The following ZFYVE26 variants were observed in gnomAD, a reference collection of about 807,000 sequenced individuals.
The protein encoded by ZFYVE26 is zinc finger FYVE-type containing 26.
ZFYVE26 carries 181 observed loss-of-function variants against 276.5 expected under a neutral mutation model. The observed-to-expected ratio is 0.65, with a 90% CI of 0.58 to 0.74. The LOEUF is 0.74. Ranked by LOEUF, ZFYVE26 falls within the 30% of genes least tolerant of loss-of-function variation. The pLI is 0.00. For missense variants in ZFYVE26, 2,821 were observed against 3,097.9 expected, an observed-to-expected ratio of 0.91 and a Z score of 2.12; for synonymous variants, 1,129 against 1,203.1, an observed-to-expected ratio of 0.94 and a Z score of 1.27.
Position 67,729,203 on chromosome 14 carries a change from C to T in ZFYVE26, n.3288+8G>A, listed in dbSNP as rs200302290. On this transcript the variant is annotated splice_region_variant and intron_variant and non_coding_transcript_variant, in intron 14 of 14. Transcript: ENST00000394455. The stretch of plus-strand genomic sequence containing the variant: ...CTCTTTGTCCCAGGCACCGGGGTCA[C>T]CACCTACGCAGTGCACCCAGGCGTC... The T allele has an allele frequency of 6.2e-6, 10 of 1,612,638 alleles. No individual in the cohort carries two copies. The highest frequency in any genetic ancestry group is 8.5e-6 in the Non-Finnish European group (10 of 1,180,016).
intron 12 of ZFYVE26, chr14:67,797,304 T>G (rs1374329958): frequency 3.1e-6 from 1 of 319,670 alleles, no homozygotes; most frequent in African/African-American, 2.2e-5. Context: ...TAAATGTCCA[T>G]GAACAGGGTG....
At chr14:67,774,253 C>A (rs796401618) in intron 27 of ZFYVE26, among the ~76,000 whole-genome samples, 69 of 152,302 alleles carry the variant, frequency 4.5e-4, no homozygotes, top group Middle Eastern at 3.4e-3. Flanking sequence ...TGCCTATAAT[C>A]CCAGCATTTT....
intron 12 of ZFYVE26, among the ~76,000 whole-genome samples, chr14:67,794,945 T>C (rs1335221474): frequency 6.6e-6 from 1 of 151,992 alleles, no homozygotes; most frequent in African/African-American, 2.4e-5. Flanking sequence ...CAAGACCCTA[T>C]CTGTATTAAA....
At chr14:67,767,608 T>C in intron 31 of ZFYVE26, 96 bp downstream of exon 31, 1 of 1,542,278 alleles carries the variant, frequency 6.5e-7, no homozygotes, top group Admixed American at 1.7e-5. Context: ...TATAAACAAG[T>C]AAAGGCCAGG....
At position 67,777,578 on chromosome 14, in the gene ZFYVE26, G is replaced by A. The variant is rs752388667; in HGVS notation, c.4955C>T (p.Ala1652Val). The A allele has an allele frequency of 3.2e-5, 51 of 1,613,796 alleles. No individual in the cohort carries two copies. Among genetic ancestry groups the A allele is most frequent in the South Asian group, 1.8e-4 (16 of 91,066 alleles). Reference protein sequence around the residue: ...LTAVRHREIQALYVGSKILLT... With the variant: ...LTAVRHREIQVLYVGSKILLT... Reference sequence around the variant, plus strand: ...CCTTACCTTGGATCCCACATACAGCGCCTGGATTTCACGGTGTCGGACAGC... The same window carrying A: ...CCTTACCTTGGATCCCACATACAGCACCTGGATTTCACGGTGTCGGACAGC... The change falls in exon 25 of 42, where the codon GCG becomes GTG. Residue 1652 changes from alanine to valine, a missense_variant. Ala to Val is a moderately conservative substitution (Grantham distance 64, BLOSUM62 0). Transcript: ENST00000347230.
intron 3 of ZFYVE26, among the ~76,000 whole-genome samples, chr14:67,810,079 T>C (rs2040269419): frequency 6.6e-6 from 1 of 152,194 alleles, no homozygotes; most frequent in Admixed American, 6.5e-5. Context: ...CCACCGTGCC[T>C]GGCACAGATA....
At position 67,729,231 on chromosome 14, in the gene ZFYVE26, C is replaced by T; in HGVS notation, n.3268G>A. On this transcript the variant is annotated non_coding_transcript_exon_variant, in exon 14 of 15. Transcript: ENST00000394455. ...CCTACGCAGTGCACCCAGGCGTCGT[C>T]CGCTCTGAGCTGGTCCGGCACTCCT... 6.2e-7 allele frequency: 1 copy of T among 1,611,476 alleles called. No individual in the cohort carries two copies. Among genetic ancestry groups the T allele is most frequent in the Non-Finnish European group, 8.5e-7 (1 of 1,180,016 alleles).
chr14:67,799,118 G>A, intron 10 of ZFYVE26: 2 of 1,354,898 alleles, frequency 1.5e-6, no homozygotes, highest in Non-Finnish European at 2.1e-6. Context: ...CCTAGACTAG[G>A]AGGCGTACTG....
chr14:67,784,898 G>A (rs892892727), intron 19 of ZFYVE26, among the ~76,000 whole-genome samples, 161 bp downstream of exon 19: 9 of 152,210 alleles, frequency 5.9e-5, no homozygotes, highest in African/African-American at 1.9e-4. Flanking sequence ...GCACAAAGAT[G>A]AGTAAAATAG....
intron 9 of ZFYVE26, among the ~76,000 whole-genome samples, chr14:67,802,707 G>A (rs919588185): frequency 2.0e-5 from 3 of 152,104 alleles, no homozygotes; most frequent in Non-Finnish European, 2.9e-5. Context: ...TTCTTTGGAA[G>A]GCCTGTATAC....
chr14:67,770,975 A>C (rs61987011), intron 28 of ZFYVE26, among the ~76,000 whole-genome samples: 3 of 150,288 alleles, frequency 2.0e-5, no homozygotes, highest in Admixed American at 6.6e-5. Flanking sequence ...TTTTTTTTAA[A>C]TCAACTTTTA....
At chr14:67,772,828 G>C (rs1594901775) in intron 27 of ZFYVE26, among the ~76,000 whole-genome samples, 1 of 152,168 alleles carries the variant, frequency 6.6e-6, no homozygotes, top group South Asian at 2.1e-4. Flanking sequence ...AGACATGGTG[G>C]TGTGTGCATG....
chr14:67,730,277 A>G (rs2038252117), intron 13 of ZFYVE26, among the ~76,000 whole-genome samples: 1 of 152,198 alleles, frequency 6.6e-6, no homozygotes, highest in Non-Finnish European at 1.5e-5. Context: ...ATCTGGCTCT[A>G]GAGCTGTGCC....
downstream of ZFYVE26, among the ~76,000 whole-genome samples, chr14:67,743,102 T>G (rs1307658686): frequency 2.0e-5 from 3 of 151,932 alleles, no homozygotes. Flanking sequence ...CCTTCCAAAG[T>G]GTTGGGTTAT....
intron 13 of ZFYVE26, chr14:67,733,744 A>G (rs1430095773): frequency 1.2e-6 from 2 of 1,608,192 alleles, no homozygotes; most frequent in Admixed American, 1.7e-5. Context: ...TCTGCCCTCC[A>G]GTGACTGCAA....
At chr14:67,799,661 C>A in intron 10 of ZFYVE26, 1 of 1,278,926 alleles carries the variant, frequency 7.8e-7, no homozygotes, top group Non-Finnish European at 1.1e-6. Context: ...CCATGGTAGG[C>A]AAGGTGCTGG....
intron 9 of ZFYVE26, 148 bp from the exon 10 acceptor site, chr14:67,802,430 C>T: frequency 1.3e-6 from 1 of 785,260 alleles, no homozygotes; most frequent in Non-Finnish European, 2.1e-6. Flanking sequence ...ATCTGTGTCA[C>T]TTCTAGGGCT....
At chr14:67,812,179 A>G (rs2040316331) in intron 3 of ZFYVE26, among the ~76,000 whole-genome samples, 1 of 152,152 alleles carries the variant, frequency 6.6e-6, no homozygotes, top group South Asian at 2.1e-4. Flanking sequence ...ATAGTGGTAT[A>G]GTATTTTACA....
intron 13 of ZFYVE26, chr14:67,735,330 G>A: frequency 1.3e-6 from 1 of 786,372 alleles, no homozygotes. Flanking sequence ...GACACCAAAA[G>A]GACCATCTAG....
Sources: gnomAD v4.1 joint callset for allele counts (sites outside exome capture counted in the v4.1 genomes callset) on GRCh38, gnomAD v4.1.1 for gene constraint, MANE v1.5 for transcripts, NCBI Gene and HGNC (gene_info 2026-07-23, HGNC 2026-07-21) for gene names.